PACRG: variants seen among roughly 807,000 people sequenced by gnomAD.
PACRG encodes parkin coregulated gene protein.
Under a neutral mutation model 29.7 loss-of-function variants are expected in PACRG, and 29 were observed. The observed-to-expected ratio is 0.98, with a 90% confidence interval of 0.73 to 1.33. PACRG has a LOEUF of 1.33. Ranked by LOEUF, PACRG falls within the 40% of genes most tolerant of loss-of-function variation. The pLI, the probability that PACRG is intolerant of heterozygous loss-of-function variation, is 0.00. For synonymous variants in PACRG, 116 were observed against 118.7 expected (o/e 0.98, Z 0.15); for missense variants, 279 against 316.2 (o/e 0.88, Z 0.89).
At chr6:162,846,194 C>T (rs1329896373) in intron 2 of PACRG, among the ~76,000 whole-genome samples, 1 of 152,112 alleles carries the variant, frequency 6.6e-6, no homozygotes, top group Non-Finnish European at 1.5e-5. Context: ...TCCTGCATCT[C>T]CAGGAGGGGG....
At chr6:163,312,278 C>G (rs118087743) in intron 4 of PACRG, among the ~76,000 whole-genome samples, 1 of 152,132 alleles carries the variant, frequency 6.6e-6, no homozygotes, top group Middle Eastern at 3.2e-3. Context: ...TGGTTGGAAT[C>G]CTGGAAAGCT....
chr6:163,208,364 A>T (rs1023481638), intron 4 of PACRG, among the ~76,000 whole-genome samples: 1 of 152,156 alleles, frequency 6.6e-6, no homozygotes, highest in Non-Finnish European at 1.5e-5. Flanking sequence ...ATAGTATACA[A>T]ATTAGAAAAA....
chr6:162,957,186 A>G, intron 2 of PACRG: 1 of 317,324 alleles, frequency 3.2e-6, no homozygotes, highest in Non-Finnish European at 6.2e-6. Flanking sequence ...CCTCACCTGG[A>G]GAATGGATGT....
intron 2 of PACRG, among the ~76,000 whole-genome samples, chr6:162,908,679 T>C (rs1175954778): frequency 6.6e-6 from 1 of 152,162 alleles, no homozygotes; most frequent in Non-Finnish European, 1.5e-5. Context: ...AAATAAGTTT[T>C]GATTAGCCAG....
chr6:162,744,655 A>G (rs183574131), intron 1 of PACRG, among the ~76,000 whole-genome samples: 1 of 152,274 alleles, frequency 6.6e-6, no homozygotes, highest in East Asian at 1.9e-4. Context: ...AGTCTTAGGC[A>G]TATTTGAAAT....
At chr6:162,821,067 C>T (rs1313223433) in intron 2 of PACRG, among the ~76,000 whole-genome samples, 2 of 152,072 alleles carry the variant, frequency 1.3e-5, no homozygotes, top group Non-Finnish European at 2.9e-5. Flanking sequence ...GAAAATACAG[C>T]CATGTATTAG....
At chr6:162,766,778 A>T (rs2128297569) in intron 1 of PACRG, among the ~76,000 whole-genome samples, 1 of 152,202 alleles carries the variant, frequency 6.6e-6, no homozygotes, top group Admixed American at 6.5e-5. Flanking sequence ...TCATATTTTA[A>T]ATTTCTGATC....
intron 4 of PACRG, among the ~76,000 whole-genome samples, chr6:163,280,530 G>T (rs914623947): frequency 2.0e-5 from 3 of 152,206 alleles, no homozygotes; most frequent in African/African-American, 2.4e-5. Flanking sequence ...ATCCCATGTT[G>T]TCTTAGTCTG....
intron 4 of PACRG, among the ~76,000 whole-genome samples, chr6:163,263,435 G>C (rs2128176297): frequency 6.6e-6 from 1 of 152,266 alleles, no homozygotes; most frequent in South Asian, 2.1e-4. Context: ...AGAACACGCT[G>C]TGCGCCAAGG....
intron 2 of PACRG, among the ~76,000 whole-genome samples, chr6:163,007,399 G>A (rs893714517): frequency 3.9e-5 from 6 of 152,134 alleles, no homozygotes; most frequent in African/African-American, 1.2e-4. Flanking sequence ...TTCATCTGGT[G>A]TCATTTTCCT....
chr6:163,238,372 G>T (rs1406093235), intron 4 of PACRG, among the ~76,000 whole-genome samples: 1 of 152,054 alleles, frequency 6.6e-6, no homozygotes, highest in South Asian at 2.1e-4. Context: ...AACTCATAAG[G>T]CACTTCTTTT....
intron 4 of PACRG, among the ~76,000 whole-genome samples, chr6:163,260,560 G>A (rs992953444): frequency 2.6e-5 from 4 of 152,148 alleles, no homozygotes; most frequent in Non-Finnish European, 4.4e-5. Context: ...TTGCCAATCC[G>A]TGGGCTCCCT....
intron 1 of PACRG, among the ~76,000 whole-genome samples, chr6:162,803,753 C>T (rs1786078147): frequency 2.0e-5 from 3 of 152,098 alleles, no homozygotes; most frequent in African/African-American, 7.2e-5. Context: ...AATGCTCATC[C>T]TCCTTTGTTA....
chr6:163,191,355 G>A (rs1021454117), intron 4 of PACRG, among the ~76,000 whole-genome samples: 1 of 152,064 alleles, frequency 6.6e-6, no homozygotes, highest in Admixed American at 6.5e-5. Flanking sequence ...TCAGTGTCAA[G>A]TTCCAGTGTC....
chr6:162,872,400 A>G (rs1792901225), intron 2 of PACRG, among the ~76,000 whole-genome samples: 1 of 152,240 alleles, frequency 6.6e-6, no homozygotes, highest in Non-Finnish European at 1.5e-5. Context: ...AGAATGCTGT[A>G]TTATAAACTT....
At chr6:162,791,671 G>A (rs1422051705) in intron 1 of PACRG, among the ~76,000 whole-genome samples, 5 of 152,096 alleles carry the variant, frequency 3.3e-5, no homozygotes, top group East Asian at 3.9e-4. Context: ...CCACGTGGGC[G>A]CTTTTGCTTC....
intron 2 of PACRG, among the ~76,000 whole-genome samples, chr6:162,968,036 T>C (rs1372130021): frequency 1.3e-5 from 2 of 152,196 alleles, no homozygotes; most frequent in African/African-American, 2.4e-5. Flanking sequence ...CATCAAACTG[T>C]GGATTACTTA....
chr6:163,077,914 G>A lies in PACRG; in HGVS notation c.464-11345G>A, dbSNP rs1046339216. ...GTGATCCAGCACCCACGATGGAGGC[G>A]GCAGAGATGGAGAGAATGGACAGCT... On this transcript the variant is annotated intron_variant, in intron 3 of 4. Transcript: ENST00000366888. 5.3e-5 allele frequency among the ~76,000 whole-genome samples: 8 copies of A among 152,228 alleles called. No homozygotes were observed. In the Middle Eastern group the frequency reaches 0.01, roughly 194 times the overall value.
chr6:163,120,345 A>G (rs1023034349), intron 4 of PACRG, among the ~76,000 whole-genome samples: 2 of 152,166 alleles, frequency 1.3e-5, no homozygotes, highest in African/African-American at 4.8e-5. Context: ...TGAATAAACT[A>G]AGTGGGCAAC....
Sources: gnomAD v4.1 joint callset for allele counts (sites outside exome capture counted in the v4.1 genomes callset) on GRCh38, gnomAD v4.1.1 for gene constraint, MANE v1.5 for transcripts, NCBI Gene and HGNC (gene_info 2026-07-23, HGNC 2026-07-21) for gene names.